The following EYS variants were observed in gnomAD, a reference collection of about 807,000 sequenced individuals.
The protein encoded by EYS is protein eyes shut homolog.
EYS carries 250 observed loss-of-function variants against 282.1 expected under a neutral mutation model. The observed-to-expected ratio is 0.89, with a 90% CI of 0.80 to 0.98. EYS has a LOEUF of 0.98. EYS is among the 50% of genes least tolerant of loss of function. The probability of loss-of-function intolerance (pLI) is 0.00; values close to 1 mark genes in which losing one functional copy is unlikely to be tolerated. For missense variants in EYS, 4,016 were observed against 3,709.0 expected (o/e 1.08, Z -2.15); for synonymous variants, 1,355 against 1,282.9 (o/e 1.06, Z -1.20).
chr6:64,785,323 T>G (rs1200204951), intron 22 of EYS, among the ~76,000 whole-genome samples: 4 of 152,194 alleles, frequency 2.6e-5, no homozygotes, highest in Non-Finnish European at 5.9e-5. Context: ...TACTAATCAA[T>G]CTTGTTTAAA....
At chr6:64,897,074 A>C (rs1164185251) in intron 18 of EYS, among the ~76,000 whole-genome samples, 1 of 152,196 alleles carries the variant, frequency 6.6e-6, no homozygotes, top group Non-Finnish European at 1.5e-5. Flanking sequence ...TGAAGAGAGC[A>C]GTGGATCACC....
intron 22 of EYS, among the ~76,000 whole-genome samples, chr6:64,781,980 A>G (rs992613684): frequency 1.3e-5 from 2 of 152,192 alleles, no homozygotes; most frequent in African/African-American, 4.8e-5. Context: ...AAATCTAGTC[A>G]TCTGTTTCCT....
At chr6:64,990,819 C>A (rs1171753997) in intron 14 of EYS, among the ~76,000 whole-genome samples, 1 of 151,546 alleles carries the variant, frequency 6.6e-6, no homozygotes, top group Non-Finnish European at 1.5e-5. Context: ...TTTCTGAAGT[C>A]CAAAGCATTA....
chr6:64,247,472 C>G (rs976937593), intron 30 of EYS, among the ~76,000 whole-genome samples: 1 of 152,002 alleles, frequency 6.6e-6, no homozygotes, highest in Non-Finnish European at 1.5e-5. Context: ...ATAGACCAAA[C>G]GAAAAGCCAA....
At chr6:65,057,476 G>T in intron 13 of EYS, 138 bp downstream of exon 13, 1 of 671,186 alleles carries the variant, frequency 1.5e-6, no homozygotes, top group Non-Finnish European at 2.7e-6. Context: ...ATAATTGGTT[G>T]GTCACTTTAG....
intron 22 of EYS, among the ~76,000 whole-genome samples, chr6:64,737,572 G>T (rs1170678291): frequency 6.6e-6 from 1 of 152,196 alleles, no homozygotes; most frequent in Non-Finnish European, 1.5e-5. Context: ...ATTTTCTGCT[G>T]TCACCATCTT....
At chr6:64,793,845 T>C (rs1774265686) in intron 22 of EYS, among the ~76,000 whole-genome samples, 1 of 152,162 alleles carries the variant, frequency 6.6e-6, no homozygotes, top group Non-Finnish European at 1.5e-5. Context: ...ACATGAGATA[T>C]ACTCTCTTAG....
chr6:63,885,355 C>A (rs1773237534), intron 35 of EYS, among the ~76,000 whole-genome samples: 1 of 152,118 alleles, frequency 6.6e-6, no homozygotes, highest in South Asian at 2.1e-4. Context: ...GTGTTTGCTT[C>A]ATTTTAGGAA....
rs187434281 is a variant in EYS, at chr6:65,401,696, A to G, written c.1184+782T>C. On this transcript the variant is annotated intron_variant, in intron 7 of 42. Coordinates refer to ENST00000503581, the MANE Select transcript of EYS (RefSeq NM_001142800.2). ...TTCCTTTGAAATAGATTAAAGTATCATACAGTGTGAAGTGGATGCATATTC... is the reference window on the plus strand; with the variant it reads ...TTCCTTTGAAATAGATTAAAGTATCGTACAGTGTGAAGTGGATGCATATTC... Among the ~76,000 whole-genome samples the G allele has an allele frequency of 4.1e-3, 625 of 152,026 alleles. 5 individuals are homozygous for G. The highest frequency in any genetic ancestry group is 0.014 in the African/African-American group (591 of 41,538).
At chr6:64,564,648 T>C (rs1182383993) in intron 26 of EYS, among the ~76,000 whole-genome samples, 2 of 151,972 alleles carry the variant, frequency 1.3e-5, no homozygotes, top group Non-Finnish European at 2.9e-5. Context: ...TAGGTATACA[T>C]GTGCTGGAAA....
chr6:64,297,996 AAAAT>A (rs905706278), intron 30 of EYS, among the ~76,000 whole-genome samples: 5 of 150,668 alleles, frequency 3.3e-5, no homozygotes, highest in African/African-American at 1.2e-4. Context: ...AAAAAAAAAA[AAAAT>A]TAGGTAGAAA....
chr6:65,601,735 T>C (rs1290947228), intron 2 of EYS, among the ~76,000 whole-genome samples: 2 of 151,940 alleles, frequency 1.3e-5, no homozygotes, highest in Non-Finnish European at 2.9e-5. Context: ...AAGAAGTGAA[T>C]TTGTGGGAAA....
chr6:64,826,527 T>C (rs557272325), intron 19 of EYS, among the ~76,000 whole-genome samples: 1 of 151,812 alleles, frequency 6.6e-6, no homozygotes, highest in East Asian at 1.9e-4. Flanking sequence ...TGCCTCCAGA[T>C]TGAATATTTT....
At chr6:64,932,709 T>C (rs1768766394) in intron 15 of EYS, among the ~76,000 whole-genome samples, 1 of 151,964 alleles carries the variant, frequency 6.6e-6, no homozygotes, top group Admixed American at 6.6e-5. Flanking sequence ...GGCTGAGCAT[T>C]GAAGACATGT....
intron 19 of EYS, among the ~76,000 whole-genome samples, chr6:64,843,537 G>A (rs555409881): frequency 2.0e-4 from 31 of 152,284 alleles, no homozygotes; most frequent in Middle Eastern, 3.4e-3. Flanking sequence ...TTACTGCCCC[G>A]CTGGATTTTG....
chr6:64,537,158 T>A (rs1284439406), intron 26 of EYS, among the ~76,000 whole-genome samples: 4 of 70,824 alleles, frequency 5.6e-5, no homozygotes, highest in African/African-American at 2.2e-4. Flanking sequence ...CCCTCCCCCC[T>A]CCCCCCACCC....
intron 26 of EYS, among the ~76,000 whole-genome samples, chr6:64,516,465 T>G (rs1215819448): frequency 1.3e-5 from 2 of 151,734 alleles, no homozygotes; most frequent in Non-Finnish European, 2.9e-5. Context: ...TTAAATAAAT[T>G]TTTCAAAATA....
At chr6:64,669,872 AC>A (rs1448841535) in intron 22 of EYS, among the ~76,000 whole-genome samples, 3 of 152,152 alleles carry the variant, frequency 2.0e-5, no homozygotes, top group East Asian at 1.9e-4. Flanking sequence ...TTGCATATTG[AC>A]CAAAAAAGGC....
intron 22 of EYS, among the ~76,000 whole-genome samples, chr6:64,640,179 G>C (rs2149869755): frequency 6.8e-6 from 1 of 147,358 alleles, no homozygotes; most frequent in South Asian, 2.3e-4. Context: ...CAGGGATCTA[G>C]AACTGGAAAT....
Sources: allele counts gnomAD v4.1 joint callset (sites outside exome capture counted in the v4.1 genomes callset), GRCh38; gene constraint gnomAD v4.1.1; transcripts MANE v1.5; gene names NCBI Gene and HGNC (gene_info 2026-07-23, HGNC 2026-07-21).